ASB9: variants seen among roughly 807,000 people sequenced by gnomAD.
The protein encoded by ASB9 is ankyrin repeat and SOCS box containing 9.
ASB9 carries 5 observed loss-of-function variants against 16.6 expected under a neutral mutation model. The ratio of observed to expected loss-of-function variants is 0.30; its 90% CI spans 0.16 to 0.63. ASB9 has a LOEUF of 0.63. Among genes scored for constraint, ASB9 ranks in the 30% least tolerant of loss-of-function variants. The probability of loss-of-function intolerance (pLI) is 0.82; values close to 1 mark genes in which losing one functional copy is unlikely to be tolerated. For synonymous variants in ASB9, 100 were observed against 86.4 expected, an observed-to-expected ratio of 1.16 and a Z score of -0.87; for missense variants, 216 against 229.4, an observed-to-expected ratio of 0.94 and a Z score of 0.38.
chrX:15,248,552 A>G, intron 6 of ASB9, 192 bp downstream of exon 6: 2 of 676,485 alleles, frequency 3.0e-6, no homozygotes, highest in Non-Finnish European at 4.0e-6. Flanking sequence ...AAATAGCAGG[A>G]CAGTTATTTA....
intron 1 of ASB9, among the ~76,000 whole-genome samples, chrX:15,262,174 A>G (rs1042321046): frequency 9.5e-6 from 1 of 105,255 alleles, no homozygotes; most frequent in Non-Finnish European, 1.9e-5. Context: ...GATAAGCCAC[A>G]TTTTATGTAT....
chrX:15,255,921 T>C (rs1246120263), intron 2 of ASB9, among the ~76,000 whole-genome samples: 2 of 111,763 alleles, frequency 1.8e-5, no homozygotes. Context: ...TTTAATAATA[T>C]TTGTAATAAA....
chrX:15,245,640 G>T (rs776268510), intron 6 of ASB9, among the ~76,000 whole-genome samples: 1 of 111,563 alleles, frequency 9.0e-6, no homozygotes, highest in Non-Finnish European at 1.9e-5. Context: ...CTACATGGAC[G>T]CTGAGTCCCC....
Position 15,250,506 on chromosome X carries a change from G to C in ASB9, c.492C>G (p.Ile164Met). ...AATAGAGTGGAGTGCCCAGGTGGCT[G>C]ATCTTATGGTCAATGTTGCCCCCAT... Reference protein sequence around the residue: ...IAYGGNIDHKISHLGTPLYLA... With the variant: ...IAYGGNIDHKMSHLGTPLYLA... Residue 164 changes from isoleucine to methionine, a missense_variant, in exon 5 of 7, where the codon ATC (isoleucine) becomes ATG (methionine). Transcript: ENST00000380488. 2 of 1,209,369 alleles carry C rather than the reference G, an allele frequency of 1.7e-6. No homozygotes were observed. The highest frequency in any genetic ancestry group is 2.2e-6 in the Non-Finnish European group (2 of 893,291).
chrX:15,245,838 AAGGTGATGC>A (rs1427820295), intron 6 of ASB9, among the ~76,000 whole-genome samples: 1 of 112,126 alleles, frequency 8.9e-6, no homozygotes, highest in African/African-American at 3.2e-5. Context: ...CTTATCTCTC[AAGGTGATGC>A]AGAACAAGGA....
chrX:15,267,425 T>TTTAAAAAAAAAAA (rs377056337), intron 1 of ASB9, among the ~76,000 whole-genome samples: 26 of 87,556 alleles, frequency 3.0e-4, no homozygotes, highest in Non-Finnish European at 4.7e-4. Context: ...AAAATATATA[T>TTTAAAAAAAAAAA]ATATATATAA....
Position 15,244,497 on chromosome X carries a change from T to C in ASB9, c.*9A>G, listed in dbSNP as rs764837952. 46 of 1,190,153 alleles carry C rather than the reference T, an allele frequency of 3.9e-5. No individual in the cohort carries two copies. Among genetic ancestry groups the C allele is most frequent in the Middle Eastern group, 2.3e-4 (1 of 4,319 alleles). ...TCACATCGTTTGTGAATCCATTCCC[T>C]AGATGCATTTAAAGATGTAGGAGAA... On this transcript the variant is annotated 3_prime_UTR_variant, in exon 7 of 7. Transcript: ENST00000380488.
At chrX:15,266,419 A>G (rs915665401) in intron 1 of ASB9, among the ~76,000 whole-genome samples, 6 of 111,536 alleles carry the variant, frequency 5.4e-5, no homozygotes, top group Non-Finnish European at 1.1e-4. Context: ...AGAACCACCA[A>G]TGGCTCTCAA....
At chrX:15,263,674 T>C (rs778696688) in intron 1 of ASB9, among the ~76,000 whole-genome samples, 24 of 110,437 alleles carry the variant, frequency 2.2e-4, no homozygotes, top group Non-Finnish European at 3.6e-4. Flanking sequence ...AACAGGCAGG[T>C]TTTCCCCCAG....
intron 1 of ASB9, among the ~76,000 whole-genome samples, chrX:15,260,389 C>G (rs1313159965): frequency 2.7e-5 from 3 of 112,048 alleles, no homozygotes; most frequent in Non-Finnish European, 3.8e-5. Flanking sequence ...CACAGTGAGA[C>G]TCTGTCTCAA....
intron 5 of ASB9, 68 bp from the exon 6 acceptor site, chrX:15,249,003 C>T (rs1924894082): frequency 9.8e-7 from 1 of 1,017,464 alleles, no homozygotes; most frequent in Non-Finnish European, 1.3e-6. Flanking sequence ...CTTTTCAAAG[C>T]CCCGAGCCCC....
intron 6 of ASB9, among the ~76,000 whole-genome samples, chrX:15,246,052 C>A (rs768829862): frequency 1.8e-5 from 2 of 111,723 alleles, no homozygotes; most frequent in Non-Finnish European, 3.8e-5. Context: ...TGTGGGGAAA[C>A]TGAACCTAAT....
In ASB9 at chrX:15,252,283, G is replaced by A. The variant is rs768369565; in HGVS notation, c.404C>T (p.Ala135Val). The A allele has an allele frequency of 8.3e-7, 1 of 1,208,829 alleles. No homozygotes were observed. Among genetic ancestry groups the A allele is most frequent in the Admixed American group, 2.2e-5 (1 of 45,422 alleles). Reference protein sequence around the residue: ...GASVQPESDLASPIHEAARRG... With the variant: ...GASVQPESDLVSPIHEAARRG... ...CCTAGCAGCTTCATGGATGGGGGATGCCAGATCACTCTCAGGTTGAACGCT... is the reference window on the plus strand; with the variant it reads ...CCTAGCAGCTTCATGGATGGGGGATACCAGATCACTCTCAGGTTGAACGCT... Residue 135 changes from alanine (A) to valine (V), a missense_variant, in exon 4 of 7, where the codon GCA becomes GTA. By Grantham distance (64) the Ala-to-Val change is moderately conservative (BLOSUM62 0). Coordinates refer to ENST00000380488, the MANE Select transcript of ASB9 (RefSeq NM_001031739.3).
At chrX:15,267,248 A>G (rs1156848878) in intron 1 of ASB9, among the ~76,000 whole-genome samples, 1 of 107,278 alleles carries the variant, frequency 9.3e-6, no homozygotes, top group African/African-American at 3.4e-5. Context: ...AATACAAAAA[A>G]AAAACACCCC....
At chrX:15,253,367 G>A (rs777905278) in intron 3 of ASB9, among the ~76,000 whole-genome samples, 1 of 111,852 alleles carries the variant, frequency 8.9e-6, no homozygotes, top group Non-Finnish European at 1.9e-5. Context: ...CAAGGTGGGC[G>A]GGTCACCTGA....
intron 6 of ASB9, among the ~76,000 whole-genome samples, chrX:15,246,132 G>A (rs748394877): frequency 7.1e-5 from 8 of 112,021 alleles, no homozygotes; most frequent in Non-Finnish European, 1.5e-4. Flanking sequence ...AGAGGCAACC[G>A]TAGGAGGTAC....
At chrX:15,256,045 C>A (rs185706611) in intron 2 of ASB9, among the ~76,000 whole-genome samples, 2 of 111,223 alleles carry the variant, frequency 1.8e-5, no homozygotes, top group Non-Finnish European at 3.8e-5. Flanking sequence ...GGTCAACAAA[C>A]AGTAGCCTAC....
At position 15,258,956 on chromosome X, in the gene ASB9, A is replaced by C; in HGVS notation, c.95-11T>G. The C allele has an allele frequency of 2.5e-6, 3 of 1,185,465 alleles. No individual in the cohort carries two copies. Among genetic ancestry groups the C allele is most frequent in the Non-Finnish European group, 2.3e-6 (2 of 871,741 alleles). Reference sequence around the variant, plus strand: ...AATCAGACACAGCATCTGTATGGAAAGAGGGGAATGGGTTATATCCTGCTA... The same window carrying C: ...AATCAGACACAGCATCTGTATGGAACGAGGGGAATGGGTTATATCCTGCTA... On this transcript the variant is annotated splice_polypyrimidine_tract_variant and intron_variant, in intron 1 of 6. Coordinates refer to ENST00000380488, the MANE Select transcript of ASB9 (RefSeq NM_001031739.3).
intron 1 of ASB9, among the ~76,000 whole-genome samples, chrX:15,265,986 A>G: frequency 9.1e-6 from 1 of 109,553 alleles, no homozygotes; most frequent in Non-Finnish European, 1.9e-5. Flanking sequence ...TATTTTTAGT[A>G]AAGACTGGGT....
Sources: gnomAD v4.1 joint callset for allele counts (sites outside exome capture counted in the v4.1 genomes callset) on GRCh38, gnomAD v4.1.1 for gene constraint, MANE v1.5 for transcripts, NCBI Gene and HGNC (gene_info 2026-07-23, HGNC 2026-07-21) for gene names.